Variants in MXRA5 observed in about 807,000 individuals in gnomAD.
MXRA5 encodes matrix remodeling associated 5, also known as matrix-remodeling-associated protein 5.
Under a neutral mutation model 112.5 loss-of-function variants are expected in MXRA5, and 41 were observed. The observed-to-expected ratio is 0.36, with a 90% CI of 0.28 to 0.47. MXRA5 has a LOEUF of 0.47. Ranked by LOEUF, MXRA5 falls within the 20% of genes least tolerant of loss-of-function variation. The pLI is 0.99. For missense variants in MXRA5, 2,150 were observed against 2,251.0 expected (o/e 0.96, Z 0.91); for synonymous variants, 862 against 900.8 (o/e 0.96, Z 0.77).
intron 6 of MXRA5, among the ~76,000 whole-genome samples, chrX:3,316,372 G>C (rs1458582445): frequency 9.8e-6 from 1 of 102,043 alleles, no homozygotes; most frequent in East Asian, 3.1e-4. Context: ...ATCACACACC[G>C]GGCCAGGCAC....
Position 3,310,812 on chromosome X carries a change from A to G in MXRA5, c.7391T>C (p.Ile2464Thr). Reference protein sequence around the residue: ...EIAAGGSRKLIDCKAEGIPTP... With the variant: ...EIAAGGSRKLTDCKAEGIPTP... ...GGGGATGCCTTCAGCTTTGCAGTCAATCAGTTTCCGACTGCCCCCGGCTGC... is the reference window on the plus strand; with the variant it reads ...GGGGATGCCTTCAGCTTTGCAGTCAGTCAGTTTCCGACTGCCCCCGGCTGC... Residue 2464 changes from isoleucine to threonine, a missense_variant, in exon 7 of 7, where the codon ATT becomes ACT. Ile to Thr is a moderately conservative substitution (Grantham distance 89, BLOSUM62 -1). Transcript: ENST00000217939. 8.3e-7 allele frequency: 1 copy of G among 1,208,806 alleles called. No homozygotes were observed. The highest frequency in any genetic ancestry group is 1.1e-6 in the Non-Finnish European group (1 of 894,361).
chrX:3,333,170 G>T (rs1921706137), intron 2 of MXRA5, among the ~76,000 whole-genome samples: 1 of 107,466 alleles, frequency 9.3e-6, no homozygotes, highest in African/African-American at 3.4e-5. Flanking sequence ...GGGTGTGATG[G>T]TGCATGCCTG....
rs1351392718 is a variant in MXRA5, at chrX:3,317,644, T to C, written c.6037A>G (p.Lys2013Glu). The C allele has an allele frequency of 5.0e-6, 6 of 1,206,819 alleles. No individual in the cohort carries two copies. The highest frequency in any genetic ancestry group is 5.6e-6 in the Non-Finnish European group (5 of 891,952). ...TLHENRTLSI[K>E]EASFSDRGVY... ...CCTCTGTCTGAGAAGGACGCCTCCTTGATGGAAAGGGTCCGGTTTTCGTGC... is the reference window on the plus strand; with the variant it reads ...CCTCTGTCTGAGAAGGACGCCTCCTCGATGGAAAGGGTCCGGTTTTCGTGC... The change falls in exon 6 of 7, where the codon AAG (lysine) becomes GAG (glutamate). Residue 2013 changes from lysine to glutamate, a missense_variant. Coordinates refer to ENST00000217939, the MANE Select transcript of MXRA5 (RefSeq NM_015419.4).
In MXRA5 at chrX:3,317,514, T is replaced by C; in HGVS notation, c.6167A>G (p.Asn2056Ser). The C allele has an allele frequency of 8.3e-7, 1 of 1,202,323 alleles. No homozygotes were observed. Among genetic ancestry groups the C allele is most frequent in the Non-Finnish European group, 1.1e-6 (1 of 891,186 alleles). The change falls in exon 6 of 7, where the codon AAC becomes AGC. Residue 2056 changes from asparagine to serine, a missense_variant. Asn to Ser is a conservative substitution (Grantham distance 46). This residue lies in a region of MXRA5 where 1,485 missense variants were observed against 1,471.6 expected (regional missense o/e 1.01). Coordinates refer to ENST00000217939, the MANE Select transcript of MXRA5 (RefSeq NM_015419.4). ...PPVIHQEKLE[N>S]ISLPPGLSIH... ...GCTGAGCCCCGGGGGCAGCGAGATG[T>C]TCTCCAGCTTCTCCTGGTGGATAAC...
chrX:3,341,065 TATATA>T lies in MXRA5; in HGVS notation c.188+2576_188+2580del, dbSNP rs761972038. Among the ~76,000 whole-genome samples, 13 of 70,958 alleles carry T rather than the reference TATATA, an allele frequency of 1.8e-4. No homozygotes were observed. In the South Asian group the frequency reaches 6.4e-3, roughly 35 times the overall value. The allele number at this position is 70,958 out of a possible 115,157, so 61.6% of individuals were successfully genotyped here. On this transcript the variant is annotated intron_variant, in intron 2 of 6. Transcript: ENST00000217939. ...ATTGTGTATAATATATATTATATAT[TATATA>T]ATATATTATATTATACATAATATGT...
In MXRA5 at chrX:3,317,869, T is replaced by C. The variant is rs1036600357; in HGVS notation, c.5812A>G (p.Arg1938Gly). Residue 1938 changes from arginine to glycine, a missense_variant, in exon 6 of 7, where the codon AGG becomes GGG. Arg to Gly is a moderately radical substitution (Grantham distance 125, BLOSUM62 -2). Around this residue, in one of 6 missense-constraint regions of MXRA5, gnomAD observed 1,485 missense variants for 1,471.6 expected, o/e 1.01. Coordinates refer to ENST00000217939, the MANE Select transcript of MXRA5 (RefSeq NM_015419.4). ...GTGACCGAAAGCAAGACCACCATCC[T>C]GTCCAGGCCGTGCAGGTTGCTGGCG... ...CTASNLHGLD[R>G]MVVLLSVTVQ... The C allele has an allele frequency of 7.4e-6, 9 of 1,211,842 alleles. No homozygotes were observed. In the Admixed American group the frequency reaches 1.3e-4, roughly 18 times the overall value.
rs768571064 is a variant in MXRA5, at chrX:3,322,652, G to A, written c.3033C>T (p.Asp1011=). 2.5e-6 allele frequency: 3 copies of A among 1,211,640 alleles called. No homozygotes were observed. The highest frequency in any genetic ancestry group is 3.4e-6 in the Non-Finnish European group (3 of 895,337). ...LTPTPTIWVN[D]SSTSQLFEDS... is the part of the protein sequence containing the mutation. ...CCTCAAATAACTGTGATGTACTGGA[G>A]TCATTAACCCAGATGGTGGGGGTTG... The change falls in exon 5 of 7, where the codon GAC becomes GAT. Residue 1011 remains aspartate (D), a synonymous_variant. Coordinates refer to ENST00000217939, the MANE Select transcript of MXRA5 (RefSeq NM_015419.4).
In MXRA5 at chrX:3,316,083, G is replaced by GTGCAGCGGCTCA. The variant is rs1569181544; in HGVS notation, c.6578+1019_6578+1020insTGAGCCGCTGCA. 2.4e-3 allele frequency among the ~76,000 whole-genome samples: 84 copies of GTGCAGCGGCTCA among 35,233 alleles called. 2 individuals carry two copies. The highest frequency in any genetic ancestry group is 0.011 in the African/African-American group (76 of 6,680). 30.6% of individuals were successfully genotyped at this position (35,233 alleles called of 115,157 possible). A position where few individuals can be genotyped will look rare whatever the true frequency, so the allele number is the denominator to read the frequency against. ...CAGAAAAAGCACACACTGGGGCCGG[G>GTGCAGCGGCTCA]CGCGGCGGATCAGGAGGTCAGGAGA... On this transcript the variant is annotated intron_variant, in intron 6 of 6. Transcript: ENST00000217939.
At chrX:3,335,127 T>C (rs1213446189) in intron 2 of MXRA5, among the ~76,000 whole-genome samples, 3 of 111,766 alleles carry the variant, frequency 2.7e-5, no homozygotes, top group African/African-American at 9.7e-5. Context: ...TGTGGGTAAA[T>C]GAAGTGTCAA....
At chrX:3,332,546 A>G (rs1420159156) in intron 2 of MXRA5, among the ~76,000 whole-genome samples, 1 of 112,494 alleles carries the variant, frequency 8.9e-6, no homozygotes, top group Non-Finnish European at 1.9e-5. Context: ...GCCCGGCCAC[A>G]TTCTTCTTTT....
intron 2 of MXRA5, among the ~76,000 whole-genome samples, chrX:3,334,848 C>A (rs769517268): frequency 1.8e-5 from 2 of 111,659 alleles, no homozygotes; most frequent in African/African-American, 6.5e-5. Flanking sequence ...TTCTTTGCTA[C>A]GTTATCTTTC....
Position 3,322,831 on chromosome X carries a change from A to G in MXRA5, c.2854T>C (p.Ser952Pro). The change falls in exon 5 of 7, where the codon TCA (serine) becomes CCA (proline). Residue 952 changes from serine to proline, a missense_variant. Physicochemically the swap from Ser to Pro is moderately conservative, Grantham distance 74. Transcript: ENST00000217939. The part of the protein sequence containing the change: ...EGWSAADVGS[S>P]PEPTSSEYEP... ...TACTCACTGGATGTGGGCTCTGGTG[A>G]CGATCCAACATCTGCTGCAGACCAA... 1 of 1,211,522 alleles carries G rather than the reference A, an allele frequency of 8.3e-7. No individual in the cohort carries two copies. The highest frequency in any genetic ancestry group is 1.1e-6 in the Non-Finnish European group (1 of 895,482).
intron 6 of MXRA5, among the ~76,000 whole-genome samples, chrX:3,312,332 A>G (rs1281895879): frequency 1.8e-5 from 2 of 112,215 alleles, no homozygotes; most frequent in Admixed American, 9.4e-5. Flanking sequence ...GTTAATAATT[A>G]CAAAAAGGTT....
rs45463594 is a variant in MXRA5 at position 3,346,581 on chromosome X, G to A, written c.-95C>T. 1.3e-6 allele frequency: 1 copy of A among 754,422 alleles called. No individual in the cohort carries two copies. The highest frequency in any genetic ancestry group is 1.6e-6 in the Non-Finnish European group (1 of 639,006). The allele number at this position is 754,422 out of a possible 1,213,427, so 62.2% of individuals were successfully genotyped here. A position where few individuals can be genotyped will look rare whatever the true frequency, so the allele number is the denominator to read the frequency against. On this transcript the variant is annotated 5_prime_UTR_variant, in exon 1 of 7. Transcript: ENST00000217939. ...GAGCATCCACCGAGCCGGGGCGCGC[G>A]AGTCACGGCCGGGAGTTTGCCGGGG...
chrX:3,343,639 T>C lies in MXRA5; in HGVS notation c.188+7A>G, dbSNP rs760590714. Reference sequence around the variant, plus strand: ...GTGGGAAGGTTCGGGAAGAAAGTGGTACAAACCCCAAATTGATTCTTTCCA... The same window carrying C: ...GTGGGAAGGTTCGGGAAGAAAGTGGCACAAACCCCAAATTGATTCTTTCCA... On this transcript the variant is annotated splice_region_variant and intron_variant, in intron 2 of 6. Coordinates refer to ENST00000217939, the MANE Select transcript of MXRA5 (RefSeq NM_015419.4). 19 of 1,206,965 alleles carry C rather than the reference T, an allele frequency of 1.6e-5. No homozygotes were observed. In the Admixed American group the frequency reaches 4.2e-4, roughly 26 times the overall value.
At chrX:3,325,288 A>G (rs1198214396) in intron 4 of MXRA5, among the ~76,000 whole-genome samples, 3 of 111,079 alleles carry the variant, frequency 2.7e-5, no homozygotes, top group Admixed American at 9.7e-5. Flanking sequence ...TCATTCACAT[A>G]CATTTTACAA....
rs2146914003 is a variant in MXRA5, at chrX:3,311,162, G to A, written c.7041C>T (p.Thr2347=). Residue 2347 remains threonine (T), a synonymous_variant, in exon 7 of 7, where the codon ACC becomes ACT. Coordinates refer to ENST00000217939, the MANE Select transcript of MXRA5 (RefSeq NM_015419.4). ...VRVKVVTAPA[T]IRNKTYLAVQ... is the part of the protein sequence containing the mutation. Reference sequence around the variant, plus strand: ...CCGCCAAGTAAGTCTTGTTCCGGATGGTGGCGGGCGCTGTCACCACCTTGA... The same window carrying A: ...CCGCCAAGTAAGTCTTGTTCCGGATAGTGGCGGGCGCTGTCACCACCTTGA... 3 of 1,211,528 alleles carry A rather than the reference G, an allele frequency of 2.5e-6. No individual in the cohort carries two copies. The highest frequency in any genetic ancestry group is 3.4e-6 in the Non-Finnish European group (3 of 895,493).
Position 3,321,954 on chromosome X carries a change from G to T in MXRA5, c.3731C>A (p.Thr1244Asn). The change falls in exon 5 of 7, where the codon ACC becomes AAC. Residue 1244 changes from threonine (T) to asparagine (N), a missense_variant. Physicochemically the swap from Thr to Asn is moderately conservative, Grantham distance 65. Around this residue, in one of 6 missense-constraint regions of MXRA5, gnomAD observed 1,485 missense variants for 1,471.6 expected, o/e 1.01. Transcript: ENST00000217939. ...HGKRPNKHRY[T>N]PSTVSSRASG... ...CGCTCTTGAGCTCACTGTAGAAGGG[G>T]TATATCGATGTTTGTTTGGCCTCTT... The T allele has an allele frequency of 8.3e-7, 1 of 1,211,200 alleles. No homozygotes were observed. Among genetic ancestry groups the T allele is most frequent in the Non-Finnish European group, 1.1e-6 (1 of 895,341 alleles).
At chrX:3,315,182 C>T (rs1159333129) in intron 6 of MXRA5, among the ~76,000 whole-genome samples, 1 of 105,315 alleles carries the variant, frequency 9.5e-6, no homozygotes, top group Non-Finnish European at 1.9e-5. Flanking sequence ...AGAAGCACAC[C>T]CTCCACCCCA....
Sources: allele counts gnomAD v4.1 joint callset (sites outside exome capture counted in the v4.1 genomes callset), GRCh38; gene constraint gnomAD v4.1.1; regional missense constraint gnomAD v4.1.1; transcripts MANE v1.5; gene names NCBI Gene and HGNC (gene_info 2026-07-23, HGNC 2026-07-21).